Variants in CEP162 observed in about 807,000 individuals in gnomAD.
CEP162 encodes centrosomal protein of 162 kDa.
Under a neutral mutation model 169.2 loss-of-function variants are expected in CEP162, and 141 were observed. The observed-to-expected ratio is 0.83, with a 90% CI of 0.73 to 0.96. The LOEUF (loss-of-function observed/expected upper bound fraction) is 0.96. CEP162 is among the 40% of genes least tolerant of loss of function. CEP162 has a pLI of 0.00. For missense variants in CEP162, 1,600 were observed against 1,587.2 expected, an observed-to-expected ratio of 1.01 and a Z score of -0.14; for synonymous variants, 540 against 526.4, an observed-to-expected ratio of 1.03 and a Z score of -0.35.
intron 3 of CEP162, chr6:84,219,023 G>A (rs75356639): frequency 0.012 from 4,166 of 345,178 alleles, 40 homozygotes; most frequent in Non-Finnish European, 0.017. Context: ...CTTCTAAGCC[G>A]AACATTTTAT....
chr6:84,194,455 C>CTT (rs1161034049), intron 10 of CEP162, among the ~76,000 whole-genome samples: 5 of 137,322 alleles, frequency 3.6e-5, no homozygotes, highest in South Asian at 2.4e-4. Flanking sequence ...TTGAAAAAAT[C>CTT]TTTTTTTTTT....
chr6:84,178,593 G>A (rs1449454531), intron 13 of CEP162, among the ~76,000 whole-genome samples: 2 of 151,994 alleles, frequency 1.3e-5, no homozygotes, highest in Non-Finnish European at 2.9e-5. Context: ...TGTAGTAAGG[G>A]GTAACCTTTG....
chr6:84,174,300 A>G (rs907636881), intron 15 of CEP162, 112 bp from the exon 16 acceptor site: 61 of 858,648 alleles, frequency 7.1e-5, no homozygotes, highest in Non-Finnish European at 1.0e-4. Context: ...TATAATATTG[A>G]ACATATTAGA....
intron 25 of CEP162, among the ~76,000 whole-genome samples, chr6:84,131,746 A>T (rs1289152958): frequency 6.6e-6 from 1 of 151,988 alleles, no homozygotes. Context: ...TCTCCACATG[A>T]GATGGGTCTC....
At position 84,127,087 on chromosome 6, in the gene CEP162, C is replaced by A. The variant is rs145256161; in HGVS notation, c.3871-575G>T. Among the ~76,000 whole-genome samples the A allele has an allele frequency of 4.6e-3, 694 of 152,112 alleles. 8 individuals are homozygous for A. Among genetic ancestry groups the A allele is most frequent in the African/African-American group, 0.016 (662 of 41,510 alleles). On this transcript the variant is annotated intron_variant, in intron 25 of 26. Transcript: ENST00000403245. ...GACTGCTGTCTTAGGACCTGGGGAT[C>A]CAGAGATTAAAGACACAGACCCCAT...
At chr6:84,166,291 C>T (rs936632794) in intron 18 of CEP162, among the ~76,000 whole-genome samples, 6 of 152,268 alleles carry the variant, frequency 3.9e-5, no homozygotes, top group Middle Eastern at 3.4e-3. Context: ...AAACTCCGGG[C>T]TTTTGCATTT....
At chr6:84,172,532 C>T (rs905458844) in intron 16 of CEP162, among the ~76,000 whole-genome samples, 1 of 152,134 alleles carries the variant, frequency 6.6e-6, no homozygotes, top group African/African-American at 2.4e-5. Context: ...ACAAACATTT[C>T]CCCCTACTAT....
chr6:84,181,582 C>G (rs2099534852), intron 13 of CEP162, among the ~76,000 whole-genome samples: 1 of 152,194 alleles, frequency 6.6e-6, no homozygotes, highest in Admixed American at 6.6e-5. Context: ...GAAATTTAAA[C>G]ATGAAACACT....
chr6:84,199,114 T>G (rs1248421920), intron 9 of CEP162, among the ~76,000 whole-genome samples: 1 of 152,188 alleles, frequency 6.6e-6, no homozygotes, highest in Non-Finnish European at 1.5e-5. Flanking sequence ...ACAATGGCCT[T>G]TTAAAAAAAT....
intron 5 of CEP162, among the ~76,000 whole-genome samples, chr6:84,214,577 T>C (rs1351057148): frequency 2.0e-5 from 3 of 152,188 alleles, no homozygotes; most frequent in Non-Finnish European, 4.4e-5. Flanking sequence ...CTTTATCCAC[T>C]GTCTATAAAA....
At position 84,160,850 on chromosome 6, in the gene CEP162, C is replaced by T; in HGVS notation, c.2743G>A (p.Ala915Thr). ...IRQKIRLKDK[A>T]ADAKKIQDLE... ...TCCTGAATTTTTTTGGCATCTGCTG[C>T]TTTATCTTTTAAGCGTATCTTCTGC... The change falls in exon 21 of 27, where the codon GCA (alanine) becomes ACA (threonine). Residue 915 changes from alanine (A) to threonine (T), a missense_variant. By Grantham distance (58) the Ala-to-Thr change is moderately conservative (BLOSUM62 0). Transcript: ENST00000403245. 6.2e-7 allele frequency: 1 copy of T among 1,613,148 alleles called. No individual in the cohort carries two copies. The highest frequency in any genetic ancestry group is 8.5e-7 in the Non-Finnish European group (1 of 1,179,444).
At chr6:84,147,718 A>C (rs547520126) in intron 24 of CEP162, among the ~76,000 whole-genome samples, 14 of 152,306 alleles carry the variant, frequency 9.2e-5, no homozygotes, top group Admixed American at 2.0e-4. Context: ...ATTTGGAAAA[A>C]GGTAGACAAT....
chr6:84,184,209 TTTTC>T (rs748786187), intron 13 of CEP162, among the ~76,000 whole-genome samples: 21 of 152,132 alleles, frequency 1.4e-4, no homozygotes, highest in Non-Finnish European at 2.1e-4. Flanking sequence ...TGTCAATTAT[TTTTC>T]TTTCTATCAA....
intron 17 of CEP162, among the ~76,000 whole-genome samples, chr6:84,171,404 C>T (rs114267776): frequency 0.024 from 3,662 of 152,054 alleles, 134 homozygotes; most frequent in African/African-American, 0.084. Flanking sequence ...TATGAATATG[C>T]TGAAAATACT....
intron 25 of CEP162, among the ~76,000 whole-genome samples, chr6:84,127,034 T>C (rs1186310025): frequency 6.6e-6 from 1 of 152,132 alleles, no homozygotes; most frequent in Non-Finnish European, 1.5e-5. Context: ...AAAGTAGAAA[T>C]AATGAAGTAC....
chr6:84,215,905 C>G lies in CEP162; in HGVS notation c.190G>C (p.Val64Leu). ...FKDDGLLGTN[V>L]SYLKTKKTSQ... ...GTCTTCTTTGTTTTCAAATAGCTCA[C>G]ATTTGTTCCAAGAAGTCCTAGGTAC... is the stretch of plus-strand genomic sequence containing the variant. The change falls in exon 4 of 27, where the codon GTG becomes CTG. Residue 64 changes from valine (V) to leucine (L), a missense_variant. By Grantham distance (32) the Val-to-Leu change is conservative. Coordinates refer to ENST00000403245, the MANE Select transcript of CEP162 (RefSeq NM_014895.4). 6.4e-7 allele frequency: 1 copy of G among 1,568,568 alleles called. No homozygotes were observed. The highest frequency in any genetic ancestry group is 1.2e-5 in the South Asian group (1 of 85,154).
intron 6 of CEP162, among the ~76,000 whole-genome samples, chr6:84,211,581 A>G (rs1254827276): frequency 2.0e-5 from 3 of 151,552 alleles, no homozygotes; most frequent in Admixed American, 1.3e-4. Flanking sequence ...GAAAGGAAAA[A>G]AACCAGTAAC....
chr6:84,193,419 T>A (rs978244337), intron 11 of CEP162, among the ~76,000 whole-genome samples, 190 bp downstream of exon 11: 1 of 152,194 alleles, frequency 6.6e-6, no homozygotes, highest in African/African-American at 2.4e-5. Context: ...TTTTATAGCA[T>A]CTATTTATTT....
chr6:84,138,406 G>A (rs2099515054), intron 25 of CEP162, among the ~76,000 whole-genome samples: 2 of 152,174 alleles, frequency 1.3e-5, no homozygotes, highest in African/African-American at 4.8e-5. Flanking sequence ...TCACACAGAG[G>A]TGGGAATAGT....
Sources: allele counts gnomAD v4.1 joint callset (sites outside exome capture counted in the v4.1 genomes callset), GRCh38; gene constraint gnomAD v4.1.1; transcripts MANE v1.5; gene names NCBI Gene and HGNC (gene_info 2026-07-23, HGNC 2026-07-21).